HDAC9: variants seen among roughly 807,000 people sequenced by gnomAD.
The protein encoded by HDAC9 is MEF-2 interacting transcription repressor (MITR) protein.
HDAC9 carries 41 observed loss-of-function variants against 139.4 expected under a neutral mutation model. That is an observed-to-expected ratio of 0.29 (90% CI 0.23 to 0.38). HDAC9 has a LOEUF of 0.38. Ranked by LOEUF, HDAC9 falls within the 10% of genes least tolerant of loss-of-function variation. HDAC9 has a pLI of 1.00. For synonymous variants in HDAC9, 517 were observed against 476.2 expected (o/e 1.09, Z -1.12); for missense variants, 1,147 against 1,297.0 (o/e 0.88, Z 1.78).
intron 1 of HDAC9, among the ~76,000 whole-genome samples, chr7:18,367,761 A>C (rs1162532192): frequency 6.6e-6 from 1 of 152,036 alleles, no homozygotes; most frequent in African/African-American, 2.4e-5. Flanking sequence ...ATTCCAAGTT[A>C]TTTTGGAAGA....
chr7:18,782,885 T>G (rs1280137399), intron 16 of HDAC9, among the ~76,000 whole-genome samples: 1 of 152,026 alleles, frequency 6.6e-6, no homozygotes, highest in East Asian at 1.9e-4. Context: ...TTTGAATAGT[T>G]TGCAAGTGGA....
intron 21 of HDAC9, among the ~76,000 whole-genome samples, chr7:18,859,444 T>C (rs998062507): frequency 6.6e-6 from 1 of 150,602 alleles, no homozygotes; most frequent in Non-Finnish European, 1.5e-5. Context: ...CCCCAAGTTC[T>C]TTCTTTCTTC....
At chr7:18,889,980 G>A (rs899529984) in intron 22 of HDAC9, among the ~76,000 whole-genome samples, 3 of 152,156 alleles carry the variant, frequency 2.0e-5, no homozygotes, top group South Asian at 2.1e-4. Flanking sequence ...GATTACAGGC[G>A]TGAGCCACCG....
intron 1 of HDAC9, among the ~76,000 whole-genome samples, chr7:18,301,375 C>T (rs181687722): frequency 1.2e-4 from 19 of 152,008 alleles, no homozygotes; most frequent in Non-Finnish European, 2.4e-4. Flanking sequence ...ACATTGTTGT[C>T]GTGTTTTTTA....
At chr7:18,332,034 C>A (rs1800962973) in intron 1 of HDAC9, among the ~76,000 whole-genome samples, 1 of 151,608 alleles carries the variant, frequency 6.6e-6, no homozygotes, top group Non-Finnish European at 1.5e-5. Context: ...GCACAATATA[C>A]TTTTCATGGC....
chr7:18,706,422 T>C (rs143134775), intron 12 of HDAC9, among the ~76,000 whole-genome samples: 254 of 152,306 alleles, frequency 1.7e-3, no homozygotes, highest in Middle Eastern at 3.4e-3. Flanking sequence ...AATGCTTTCA[T>C]AAAACAACAA....
intron 2 of HDAC9, among the ~76,000 whole-genome samples, chr7:18,559,625 T>G (rs1311404248): frequency 1.3e-5 from 2 of 152,156 alleles, no homozygotes; most frequent in Non-Finnish European, 2.9e-5. Flanking sequence ...ACGTTGGAGT[T>G]TAAGGAGCTA....
chr7:18,900,754 A>G (rs950144221), intron 22 of HDAC9, among the ~76,000 whole-genome samples: 2 of 152,120 alleles, frequency 1.3e-5, no homozygotes, highest in South Asian at 2.1e-4. Flanking sequence ...TAAAGTTACA[A>G]TCTGGGTTAC....
chr7:18,509,040 C>T (rs1428488900), intron 2 of HDAC9, among the ~76,000 whole-genome samples: 1 of 152,192 alleles, frequency 6.6e-6, no homozygotes, highest in Non-Finnish European at 1.5e-5. Context: ...GAAGGTGACA[C>T]ATCTATTTTT....
chr7:18,529,346 T>C (rs1808074334), intron 2 of HDAC9, among the ~76,000 whole-genome samples: 2 of 152,038 alleles, frequency 1.3e-5, no homozygotes, highest in South Asian at 4.1e-4. Context: ...TAAAAGCAAA[T>C]CAAAAGTGGT....
intron 6 of HDAC9, among the ~76,000 whole-genome samples, chr7:18,625,696 G>A (rs1233946428): frequency 3.3e-5 from 5 of 152,092 alleles, no homozygotes; most frequent in Non-Finnish European, 5.9e-5. Flanking sequence ...TGTAATCCCA[G>A]CACTTTGGGA....
rs562117353 is a variant in HDAC9 at position 18,921,464 on chromosome 7, C to T, written c.2804-14345C>T. 7.7e-3 allele frequency among the ~76,000 whole-genome samples: 1,179 copies of T among 152,146 alleles called. 18 individuals are homozygous for T. The highest frequency in any genetic ancestry group is 0.026 in the African/African-American group (1,075 of 41,502). ...AAAGAAGACATTTATGCAGCCAAAACACACATGAAAAAATGCTCATCATCA... is the reference window on the plus strand; with the variant it reads ...AAAGAAGACATTTATGCAGCCAAAATACACATGAAAAAATGCTCATCATCA... On this transcript the variant is annotated intron_variant, in intron 22 of 25. Transcript: ENST00000686413.
intron 1 of HDAC9, among the ~76,000 whole-genome samples, chr7:18,453,703 A>G (rs926315683): frequency 1.3e-5 from 2 of 152,204 alleles, no homozygotes; most frequent in African/African-American, 4.8e-5. Context: ...TAATTTGTCT[A>G]CAGAGATTAC....
chr7:18,304,385 C>G (rs934781821), intron 1 of HDAC9, among the ~76,000 whole-genome samples: 7 of 152,176 alleles, frequency 4.6e-5, no homozygotes, highest in Non-Finnish European at 1.0e-4. Context: ...AGCTCATACT[C>G]TCAAGCAATA....
chr7:18,883,607 T>A lies in HDAC9; in HGVS notation c.2803+9011T>A, dbSNP rs117404826. Among the ~76,000 whole-genome samples the A allele has an allele frequency of 4.9e-3, 747 of 152,112 alleles. 9 individuals are homozygous for A. Among genetic ancestry groups the A allele is most frequent in the Middle Eastern group, 0.031 (9 of 294 alleles). ...TACTCAATGGTGAAAAAATAAAAGT[T>A]TTTTTCCTAAGGTCAGGAACAAGAT... On this transcript the variant is annotated intron_variant, in intron 22 of 25. Transcript: ENST00000686413.
chr7:18,827,022 G>A (rs1795498652), intron 17 of HDAC9, among the ~76,000 whole-genome samples: 1 of 151,798 alleles, frequency 6.6e-6, no homozygotes, highest in Admixed American at 6.6e-5. Flanking sequence ...GGACTCCAAG[G>A]TGGGTTGAAT....
chr7:18,183,940 C>G (rs1789705997), intron 2 of HDAC9, among the ~76,000 whole-genome samples: 1 of 152,172 alleles, frequency 6.6e-6, no homozygotes, highest in South Asian at 2.1e-4. Flanking sequence ...TAAAAAGTCA[C>G]TATTAAATAA....
chr7:18,395,238 A>T (rs1786910012), intron 1 of HDAC9: 1 of 152,142 alleles, frequency 6.6e-6, no homozygotes, highest in Admixed American at 6.6e-5. Context: ...CCTGGCAAAT[A>T]GTTTAACCTT....
intron 22 of HDAC9, among the ~76,000 whole-genome samples, chr7:18,908,640 C>T (rs182393099): frequency 1.3e-5 from 2 of 152,044 alleles, no homozygotes; most frequent in East Asian, 1.9e-4. Flanking sequence ...TGAGATTGTG[C>T]GGTATTTATT....
Sources: allele counts gnomAD v4.1 joint callset (sites outside exome capture counted in the v4.1 genomes callset), GRCh38; gene constraint gnomAD v4.1.1; transcripts MANE v1.5; gene names NCBI Gene and HGNC (gene_info 2026-07-23, HGNC 2026-07-21).